Variants in RGS5 observed in about 807,000 individuals in gnomAD.
RGS5 encodes the protein regulator of G protein signaling 5, also known as regulator of G-protein signalling 5.
Under a neutral mutation model 18.9 loss-of-function variants are expected in RGS5, and 20 were observed. The observed-to-expected ratio is 1.06, with a 90% CI of 0.74 to 1.54. The LOEUF is 1.54. RGS5 is among the 40% of genes most tolerant of loss of function. The pLI is 0.00. For missense variants in RGS5, 201 were observed against 211.8 expected, an observed-to-expected ratio of 0.95 and a Z score of 0.32; for synonymous variants, 57 against 76.2, an observed-to-expected ratio of 0.75 and a Z score of 1.31.
At chr1:163,172,771 G>C (rs1282817773) in intron 1 of RGS5, among the ~76,000 whole-genome samples, 1 of 152,090 alleles carries the variant, frequency 6.6e-6, no homozygotes, top group East Asian at 1.9e-4. Flanking sequence ...TAATGTTATT[G>C]CATTTCTGCT....
At chr1:163,201,900 C>T (rs1659784154) in intron 1 of RGS5, among the ~76,000 whole-genome samples, 1 of 152,242 alleles carries the variant, frequency 6.6e-6, no homozygotes, top group Non-Finnish European at 1.5e-5. Context: ...TAATCAAATC[C>T]ATTCTCAATA....
chr1:163,161,147 T>C (rs962619969), intron 3 of RGS5, among the ~76,000 whole-genome samples: 2 of 152,140 alleles, frequency 1.3e-5, no homozygotes, highest in African/African-American at 4.8e-5. Context: ...GAGAGAGATA[T>C]GAGTAAAAGA....
chr1:163,215,370 C>A (rs1660194618), intron 1 of RGS5, among the ~76,000 whole-genome samples: 1 of 152,098 alleles, frequency 6.6e-6, no homozygotes, highest in Non-Finnish European at 1.5e-5. Context: ...TCAGTCACTT[C>A]ATCTATAAGA....
At chr1:163,284,347 C>T (rs1571340064) in intron 2 of RGS5, among the ~76,000 whole-genome samples, 1 of 152,154 alleles carries the variant, frequency 6.6e-6, no homozygotes. Context: ...TCTATTCATG[C>T]TCATGGCTAC....
intron 2 of RGS5, 48 bp from the exon 3 acceptor site, chr1:163,162,024 T>C (rs1657821133): frequency 7.9e-7 from 1 of 1,273,800 alleles, no homozygotes; most frequent in African/African-American, 1.5e-5. Flanking sequence ...AAGTAGGCAT[T>C]GAACCACATG....
chr1:163,236,654 A>G (rs1164512371), intron 2 of RGS5, among the ~76,000 whole-genome samples: 1 of 152,196 alleles, frequency 6.6e-6, no homozygotes, highest in Non-Finnish European at 1.5e-5. Context: ...CAGACCCTCT[A>G]CAAAGAATGA....
intron 4 of RGS5, among the ~76,000 whole-genome samples, chr1:163,150,168 A>G (rs71641983): frequency 0.02 from 2,992 of 152,294 alleles, 77 homozygotes; most frequent in South Asian, 0.12. Context: ...GTACTCTTGC[A>G]TAAGCATAGA....
intron 2 of RGS5, among the ~76,000 whole-genome samples, chr1:163,252,754 T>G (rs1025095126): frequency 6.6e-6 from 1 of 152,152 alleles, no homozygotes; most frequent in African/African-American, 2.4e-5. Context: ...AGAAGTGATT[T>G]TAAGGGTGGG....
intron 2 of RGS5, among the ~76,000 whole-genome samples, chr1:163,302,106 G>A (rs1171609861): frequency 1.3e-5 from 2 of 150,154 alleles, no homozygotes; most frequent in East Asian, 2.0e-4. Flanking sequence ...TAAATCTCTT[G>A]GGAGCATCTT....
chr1:163,295,008 C>A (rs779239827), intron 2 of RGS5, among the ~76,000 whole-genome samples: 37 of 152,276 alleles, frequency 2.4e-4, no homozygotes, highest in Non-Finnish European at 5.0e-4. Flanking sequence ...TCTGAGACCA[C>A]CTCAGCCTGG....
chr1:163,275,098 A>G (rs1648819763), intron 2 of RGS5, among the ~76,000 whole-genome samples: 1 of 152,240 alleles, frequency 6.6e-6, no homozygotes. Context: ...ACTGTGAGAC[A>G]GAGCAAAAAC....
upstream of RGS5, among the ~76,000 whole-genome samples, chr1:163,221,443 C>A (rs144984168): frequency 9.0e-4 from 137 of 152,158 alleles, no homozygotes; most frequent in African/African-American, 3.2e-3. Context: ...CTGCAGTGAG[C>A]CAAGATCACA....
chr1:163,224,833 G>C (rs762644800), intron 2 of RGS5, among the ~76,000 whole-genome samples: 8 of 152,016 alleles, frequency 5.3e-5, no homozygotes, highest in African/African-American at 1.7e-4. Flanking sequence ...CCATTTATAT[G>C]TCTTCTTTTG....
chr1:163,190,281 TG>T (rs368878792), intron 1 of RGS5, among the ~76,000 whole-genome samples: 391 of 152,316 alleles, frequency 2.6e-3, no homozygotes, highest in African/African-American at 9.1e-3. Flanking sequence ...ATGAGGATTT[TG>T]GACTAGAGAA....
At chr1:163,232,529 A>G (rs897481883) in intron 2 of RGS5, among the ~76,000 whole-genome samples, 1 of 152,188 alleles carries the variant, frequency 6.6e-6, no homozygotes, top group Non-Finnish European at 1.5e-5. Flanking sequence ...AAATCTCTCA[A>G]GGAGGAAATG....
intron 2 of RGS5, among the ~76,000 whole-genome samples, chr1:163,232,168 A>G (rs774657908): frequency 1.1e-4 from 17 of 152,210 alleles, no homozygotes; most frequent in Non-Finnish European, 7.3e-5. Context: ...CTTAAGATAT[A>G]GCACTCTAAT....
chr1:163,256,579 C>A (rs531216748), intron 2 of RGS5, among the ~76,000 whole-genome samples: 2 of 152,290 alleles, frequency 1.3e-5, no homozygotes, highest in East Asian at 1.9e-4. Flanking sequence ...ATTGCAACAG[C>A]ACCGTTGCTT....
In RGS5 at chr1:163,144,091, G is replaced by T. The variant is rs1657033558; in HGVS notation, c.*3251C>A. 6.6e-6 allele frequency: 1 copy of T among 152,108 alleles called. No homozygotes were observed. The highest frequency in any genetic ancestry group is 1.5e-5 in the Non-Finnish European group (1 of 68,014). The allele number at this position is 152,108 out of a possible 1,614,324, so 9.4% of individuals were successfully genotyped here. A position where few individuals can be genotyped will look rare whatever the true frequency, so the allele number is the denominator to read the frequency against. ...ACAGTAGAGAATTTGAGTACACGGG[G>T]TATGGAGAGTAGGGCACAAAATGTT... On this transcript the variant is annotated 3_prime_UTR_variant, in exon 5 of 5. Transcript: ENST00000313961.
chr1:163,301,516 A>C (rs1649549284), intron 2 of RGS5, among the ~76,000 whole-genome samples: 1 of 152,108 alleles, frequency 6.6e-6, no homozygotes, highest in Non-Finnish European at 1.5e-5. Flanking sequence ...TATTTTTTGC[A>C]GTGATAGGGT....
Sources: allele counts gnomAD v4.1 joint callset (sites outside exome capture counted in the v4.1 genomes callset), GRCh38; gene constraint gnomAD v4.1.1; transcripts MANE v1.5; gene names NCBI Gene and HGNC (gene_info 2026-07-23, HGNC 2026-07-21).